Variants in DCAF13 observed in about 807,000 individuals in gnomAD.
The protein encoded by DCAF13 is DDB1 and CUL4 associated factor 13.
A neutral mutation model predicts 59.0 loss-of-function variants in DCAF13; 38 were observed. The observed-to-expected ratio is 0.64, with a 90% confidence interval of 0.50 to 0.84. DCAF13 has a LOEUF of 0.84. Among genes scored for constraint, DCAF13 ranks in the 40% least tolerant of loss-of-function variants. The pLI is 0.00. For missense variants in DCAF13, 469 were observed against 558.4 expected (o/e 0.84, Z 1.61); for synonymous variants, 173 against 175.0 (o/e 0.99, Z 0.09).
In DCAF13 at chr8:103,437,533, G is replaced by T. The variant is rs3134268; in HGVS notation, c.950+1743G>T. ...AAGGGTTCTTATATTTCATTTCTAA[G>T]AAATTGTCTCCTGATGTCATTTGGA... On this transcript the variant is annotated intron_variant, in intron 8 of 10. Transcript: ENST00000612750. 2.6e-4 allele frequency among the ~76,000 whole-genome samples: 39 copies of T among 152,140 alleles called. No individual in the cohort carries two copies. The East Asian group carries it at 6.2e-3, about 24-fold the overall frequency.
intron 1 of DCAF13, among the ~76,000 whole-genome samples, chr8:103,420,035 A>G (rs1393009609): frequency 6.6e-6 from 1 of 151,440 alleles, no homozygotes; most frequent in Non-Finnish European, 1.5e-5. Flanking sequence ...GAAATGCTGC[A>G]TGTATATATA....
chr8:103,418,824 T>TTATATATATATATATATATA (rs1188672878), intron 1 of DCAF13, among the ~76,000 whole-genome samples: 1 of 41,394 alleles, frequency 2.4e-5, no homozygotes, highest in Non-Finnish European at 4.4e-5. Flanking sequence ...CTAAGCATAA[T>TTATATATATATATATATATA]TATATATATA....
In DCAF13 at chr8:103,439,226, C is replaced by T. The variant is rs183019447; in HGVS notation, c.951-910C>T. 1.7e-3 allele frequency among the ~76,000 whole-genome samples: 252 copies of T among 151,946 alleles called. 2 individuals carry two copies. Among genetic ancestry groups the T allele is most frequent in the African/African-American group, 5.9e-3 (243 of 41,446 alleles). On this transcript the variant is annotated intron_variant, in intron 8 of 10. Transcript: ENST00000612750. ...TCACCTGGTCTCGATCTCCTGACCT[C>T]GTGATCCACCTACTGCAGCCTCCCA...
intron 3 of DCAF13, chr8:103,421,320 G>GT (rs1563502281): frequency 1.7e-6 from 1 of 593,758 alleles, no homozygotes; most frequent in South Asian, 1.7e-5. Context: ...TTAATGAGAG[G>GT]TAAGTCTAGA....
Position 103,415,422 on chromosome 8 carries a change from G to A in DCAF13, c.-25G>A. The A allele has an allele frequency of 6.2e-7, 1 of 1,614,130 alleles. No individual in the cohort carries two copies. Among genetic ancestry groups the A allele is most frequent in the East Asian group, 2.2e-5 (1 of 44,882 alleles). ...CGGAACTCCTAGCGGACACCTCGTG[G>A]AGTCCGGCCGGAAGAGCAACCGAGA... On this transcript the variant is annotated 5_prime_UTR_variant, in exon 1 of 11. Transcript: ENST00000612750.
chr8:103,420,817 C>T (rs1719638229), intron 2 of DCAF13, among the ~76,000 whole-genome samples, 158 bp from the exon 3 acceptor site: 2 of 152,156 alleles, frequency 1.3e-5, no homozygotes, highest in Admixed American at 6.6e-5. Flanking sequence ...ATTTTTTGCT[C>T]ATCAGTATAC....
intron 8 of DCAF13, 51 bp downstream of exon 8, chr8:103,435,841 G>T: frequency 1.3e-6 from 2 of 1,572,628 alleles, no homozygotes; most frequent in South Asian, 1.1e-5. Context: ...TTAACAATGG[G>T]GATGCATTCT....
At chr8:103,437,730 G>A (rs1816951248) in intron 8 of DCAF13, among the ~76,000 whole-genome samples, 1 of 151,786 alleles carries the variant, frequency 6.6e-6, no homozygotes. Context: ...TGAATAATCT[G>A]TATTTAAAAA....
At position 103,441,529 on chromosome 8, in the gene DCAF13, A is replaced by G; in HGVS notation, c.1161A>G (p.Ile387Met). The G allele has an allele frequency of 6.2e-7, 1 of 1,608,614 alleles. No homozygotes were observed. Among genetic ancestry groups the G allele is most frequent in the African/African-American group, 1.3e-5 (1 of 74,660 alleles). ...LKEKFQHYPH[I>M]KRIARHRHLP... ...AGAAATTTCAGCATTATCCTCATATAAAACGTATAGCTCGTCATCGACATC... is the reference window on the plus strand; with the variant it reads ...AGAAATTTCAGCATTATCCTCATATGAAACGTATAGCTCGTCATCGACATC... The change falls in exon 10 of 11, where the codon ATA becomes ATG. Residue 387 changes from isoleucine to methionine, a missense_variant. Coordinates refer to ENST00000612750, the MANE Select transcript of DCAF13 (RefSeq NM_015420.7).
In DCAF13 at chr8:103,441,628, G is replaced by C. The variant is rs756857669; in HGVS notation, c.1250+10G>C. The C allele has an allele frequency of 3.7e-6, 6 of 1,609,592 alleles. No homozygotes were observed. Among genetic ancestry groups the C allele is most frequent in the South Asian group, 1.1e-5 (1 of 89,772 alleles). On this transcript the variant is annotated intron_variant, in intron 10 of 10. Coordinates refer to ENST00000612750, the MANE Select transcript of DCAF13 (RefSeq NM_015420.7). The stretch of plus-strand genomic sequence containing the variant: ...AAGCTCGTCGACGAAAGTATGTTTT[G>C]AGGCATTTGACTCTATTACCCTTTT...
At chr8:103,422,736 A>G (rs1298793757) in intron 3 of DCAF13, among the ~76,000 whole-genome samples, 1 of 152,210 alleles carries the variant, frequency 6.6e-6, no homozygotes, top group East Asian at 1.9e-4. Context: ...CTAATCAGTC[A>G]AATAGATCTT....
intron 1 of DCAF13, among the ~76,000 whole-genome samples, chr8:103,418,749 G>T (rs751255616): frequency 2.1e-5 from 3 of 143,678 alleles, no homozygotes; most frequent in African/African-American, 7.7e-5. Context: ...AAGTCATGGG[G>T]TAAGAAGATG....
chr8:103,426,162 A>T lies in DCAF13; in HGVS notation c.468+17A>T, dbSNP rs545365914. 2.1e-6 allele frequency: 3 copies of T among 1,445,972 alleles called. No individual in the cohort carries two copies. In the Admixed American group the frequency reaches 5.3e-5, roughly 26 times the overall value. 89.6% of individuals were successfully genotyped at this position (1,445,972 alleles called of 1,614,324 possible). On this transcript the variant is annotated intron_variant, in intron 4 of 10. Coordinates refer to ENST00000612750, the MANE Select transcript of DCAF13 (RefSeq NM_015420.7). ...TTAGGAAAGGTACAAAAGTAAATTG[A>T]CTAATAGCTTGCCTATTAACATTCT...
intron 5 of DCAF13, chr8:103,428,764 C>G (rs1816825442): frequency 1.3e-5 from 2 of 151,688 alleles, no homozygotes; most frequent in Non-Finnish European, 2.9e-5. Context: ...TTTAGAGGAA[C>G]AAAAAAATCT....
chr8:103,420,134 T>C (rs777001784), intron 1 of DCAF13, 130 bp from the exon 2 acceptor site: 18 of 809,342 alleles, frequency 2.2e-5, no homozygotes, highest in Non-Finnish European at 3.3e-5. Context: ...TCTTCTACTT[T>C]TGTATTCTTA....
chr8:103,418,860 ATATATATT>A (rs1816676411), intron 1 of DCAF13, among the ~76,000 whole-genome samples: 1 of 34,632 alleles, frequency 2.9e-5, no homozygotes, highest in Non-Finnish European at 4.8e-5. Context: ...ATATATATAT[ATATATATT>A]TTTTTTTTTT....
chr8:103,423,805 A>G (rs980664092), intron 3 of DCAF13, among the ~76,000 whole-genome samples: 1 of 152,178 alleles, frequency 6.6e-6, no homozygotes, highest in Admixed American at 6.5e-5. Context: ...TGTAAATTAA[A>G]TAAAAAACAT....
chr8:103,441,861 G>A (rs917378121), intron 10 of DCAF13: 2 of 397,466 alleles, frequency 5.0e-6, no homozygotes, highest in Non-Finnish European at 8.9e-6. Context: ...CGCCTCCCGG[G>A]TTCATGCCAT....
intron 1 of DCAF13, among the ~76,000 whole-genome samples, chr8:103,418,052 CG>C (rs1332785872): frequency 6.6e-6 from 1 of 151,068 alleles, no homozygotes; most frequent in Non-Finnish European, 1.5e-5. Context: ...GGTGTGAACC[CG>C]GGAGGTGGAG....
Sources: allele counts gnomAD v4.1 joint callset (sites outside exome capture counted in the v4.1 genomes callset), GRCh38; gene constraint gnomAD v4.1.1; transcripts MANE v1.5; gene names NCBI Gene and HGNC (gene_info 2026-07-23, HGNC 2026-07-21).